Variants in RBM10 observed in about 807,000 individuals in gnomAD.
RBM10 encodes the protein RNA-binding protein 10.
Under a neutral mutation model 84.9 loss-of-function variants are expected in RBM10, and 1 was observed. The observed-to-expected ratio is 0.01, with a 90% CI of 0.00 to 0.06. RBM10 has a LOEUF of 0.06. Ranked by LOEUF, RBM10 falls within the 10% of genes least tolerant of loss-of-function variation. The pLI, the probability that RBM10 is intolerant of heterozygous loss-of-function variation, is 1.00. For missense variants in RBM10, 438 were observed against 839.0 expected, an observed-to-expected ratio of 0.52 and a Z score of 5.90; for synonymous variants, 326 against 344.5, an observed-to-expected ratio of 0.95 and a Z score of 0.60.
At chrX:47,152,240 G>T (rs1932815051) in intron 2 of RBM10, among the ~76,000 whole-genome samples, 1 of 110,744 alleles carries the variant, frequency 9.0e-6, no homozygotes, top group African/African-American at 3.3e-5. Flanking sequence ...TTTGTAAATT[G>T]CATTAAATGA....
At chrX:47,153,091 C>T (rs1932862560) in intron 2 of RBM10, among the ~76,000 whole-genome samples, 1 of 111,419 alleles carries the variant, frequency 9.0e-6, no homozygotes, top group South Asian at 3.7e-4. Context: ...GGTGATCCGC[C>T]CATCTCGGCC....
intron 2 of RBM10, among the ~76,000 whole-genome samples, chrX:47,163,063 A>G (rs938507357): frequency 1.8e-5 from 2 of 110,193 alleles, no homozygotes; most frequent in Non-Finnish European, 3.8e-5. Flanking sequence ...CTCCAAAAAA[A>G]AAAAAAAATC....
At chrX:47,175,800 C>A (rs921744468) in intron 6 of RBM10, among the ~76,000 whole-genome samples, 37 of 110,525 alleles carry the variant, frequency 3.3e-4, no homozygotes, top group African/African-American at 1.1e-3. Flanking sequence ...CACGGGATCC[C>A]AACTCAGCAG....
chrX:47,171,161 GGGAGGAGGAGGA>G lies in RBM10; in HGVS notation c.348_359del (p.Glu116_Glu119del). On this transcript the variant is annotated inframe_deletion, in exon 4 of 24. Coordinates refer to ENST00000377604, the MANE Select transcript of RBM10 (RefSeq NM_005676.5). ...GACCAGGACTATCGGACCGAGCAAG[GGGAGGAGGAGGA>G]GGAGGAGGAGGATGAGGAGGAGGAG... 8.3e-7 allele frequency: 1 copy of G among 1,207,119 alleles called. No homozygotes were observed.
At chrX:47,145,592 G>A (rs373816123) in intron 1 of RBM10, 107 bp downstream of exon 1, 28 of 805,284 alleles carry the variant, frequency 3.5e-5, no homozygotes, top group East Asian at 2.9e-4. Flanking sequence ...CGGAACGGAG[G>A]GGTTGGTGCA....
At chrX:47,176,810 T>G (rs1361621047) in intron 7 of RBM10, among the ~76,000 whole-genome samples, 1 of 110,356 alleles carries the variant, frequency 9.1e-6, no homozygotes, top group Non-Finnish European at 1.9e-5. Context: ...TACAAATGTG[T>G]AGTGAGCGTT....
rs782346506 is a variant in RBM10, at chrX:47,180,091, G to T, written c.1062+51G>T. 5 of 1,202,192 alleles carry T rather than the reference G, an allele frequency of 4.2e-6. No individual in the cohort carries two copies. The South Asian group carries it at 8.8e-5, about 21-fold the overall frequency. On this transcript the variant is annotated intron_variant, in intron 10 of 23. Transcript: ENST00000377604. The stretch of plus-strand genomic sequence containing the variant: ...GGCAGCCAGGGTCCCGGCCCCCGGG[G>T]TGGAGACGAGGGTCCTTTTCCCCAG...
chrX:47,150,888 T>C (rs1400636250), intron 2 of RBM10, among the ~76,000 whole-genome samples: 1 of 112,075 alleles, frequency 8.9e-6, no homozygotes, highest in Admixed American at 9.5e-5. Flanking sequence ...TGAACTTCTC[T>C]ATTAATTTGG....
At chrX:47,169,874 A>G (rs1556771465) in intron 3 of RBM10, among the ~76,000 whole-genome samples, 1 of 112,291 alleles carries the variant, frequency 8.9e-6, no homozygotes, top group African/African-American at 3.2e-5. Flanking sequence ...GAGGACAACA[A>G]GGGGACTGCA....
At chrX:47,160,647 G>A (rs1933605187) in intron 2 of RBM10, among the ~76,000 whole-genome samples, 1 of 111,402 alleles carries the variant, frequency 9.0e-6, no homozygotes, top group Admixed American at 9.6e-5. Context: ...TACTGTTGGT[G>A]GGAATGCAAA....
At position 47,181,329 on chromosome X, in the gene RBM10, T is replaced by A. The variant is rs1556779158; in HGVS notation, c.1363T>A (p.Tyr455Asn). 1.7e-6 allele frequency: 2 copies of A among 1,197,119 alleles called. No homozygotes were observed. Among genetic ancestry groups the A allele is most frequent in the Non-Finnish European group, 2.3e-6 (2 of 887,931 alleles). The change falls in exon 13 of 24, where the codon TAT (tyrosine) becomes AAT (asparagine). Residue 455 changes from tyrosine (Y) to asparagine (N), a missense_variant. Transcript: ENST00000377604. ...CAGCCAGGGCACAGAGTCTTCCCTC[T>A]ATGCCCATGGCTACCTCAAGGGCAC... is the stretch of plus-strand genomic sequence containing the variant. The part of the protein sequence containing the change: ...GNSQGTESSL[Y>N]AHGYLKGTKG...
intron 6 of RBM10, among the ~76,000 whole-genome samples, chrX:47,175,670 G>A (rs979845971): frequency 9.0e-6 from 1 of 110,940 alleles, no homozygotes; most frequent in Non-Finnish European, 1.9e-5. Flanking sequence ...TCACTTCGCC[G>A]CCCCTACCCT....
At chrX:47,171,698 T>C (rs1284342965) in intron 4 of RBM10, among the ~76,000 whole-genome samples, 1 of 112,435 alleles carries the variant, frequency 8.9e-6, no homozygotes, top group Admixed American at 9.4e-5. Flanking sequence ...CCCCCATCCT[T>C]TTTTGTCAGC....
rs782467531 is a variant in RBM10, at chrX:47,171,134, G to A, written c.308G>A (p.Arg103Gln). The change falls in exon 4 of 24, where the codon CGG becomes CAG. Residue 103 changes from arginine to glutamine, a missense_variant. Around this residue, in one of 8 missense-constraint regions of RBM10, gnomAD observed 92 missense variants for 134.3 expected, o/e 0.69. Coordinates refer to ENST00000377604, the MANE Select transcript of RBM10 (RefSeq NM_005676.5). Reference sequence around the variant, plus strand: ...GGCTTCCCCCGAGACGGCGACTATCGGGACCAGGACTATCGGACCGAGCAA... The same window carrying A: ...GGCTTCCCCCGAGACGGCGACTATCAGGACCAGGACTATCGGACCGAGCAA... ...PPGFPRDGDY[R>Q]DQDYRTEQGE... The A allele has an allele frequency of 7.4e-6, 9 of 1,208,610 alleles. No homozygotes were observed. The highest frequency in any genetic ancestry group is 5.3e-5 in the South Asian group (3 of 56,546).
At chrX:47,178,044 C>CA (rs782678343) in intron 7 of RBM10, among the ~76,000 whole-genome samples, 1 of 111,352 alleles carries the variant, frequency 9.0e-6, no homozygotes, top group Non-Finnish European at 1.9e-5. Flanking sequence ...TGCCAATCGT[C>CA]ACGCTCTCAC....
intron 5 of RBM10, among the ~76,000 whole-genome samples, chrX:47,173,637 C>G (rs1556774661): frequency 1.8e-5 from 2 of 112,473 alleles, no homozygotes; most frequent in Admixed American, 1.9e-4. Context: ...ATGTGTGTCC[C>G]AAGGGGGAAG....
chrX:47,166,580 C>G (rs996391270), intron 2 of RBM10, among the ~76,000 whole-genome samples: 1 of 108,332 alleles, frequency 9.2e-6, no homozygotes, highest in Non-Finnish European at 1.9e-5. Context: ...GCAGTCCTTT[C>G]GCCTCAGCCT....
chrX:47,169,359 G>A lies in RBM10; in HGVS notation c.62G>A (p.Arg21His), dbSNP rs1934465408. Residue 21 changes from arginine to histidine, a missense_variant, in exon 3 of 24, where the codon CGC becomes CAC. Arg to His is a conservative substitution (Grantham distance 29). Coordinates refer to ENST00000377604, the MANE Select transcript of RBM10 (RefSeq NM_005676.5). ...ACTGGCCGCTATGGAGCCACTGACC[G>A]CTCGCAGGATGATGGTGGGGAGAAC... The part of the protein sequence containing the change: ...DRTGRYGATD[R>H]SQDDGGENRS... The A allele has an allele frequency of 7.4e-6, 9 of 1,210,071 alleles. No homozygotes were observed. Among genetic ancestry groups the A allele is most frequent in the Non-Finnish European group, 6.7e-6 (6 of 894,974 alleles).
chrX:47,174,765 G>T (rs1478522648), intron 5 of RBM10, among the ~76,000 whole-genome samples: 1 of 111,052 alleles, frequency 9.0e-6, no homozygotes, highest in Non-Finnish European at 1.9e-5. Flanking sequence ...GTTGGTGTGT[G>T]TGTCTCTCCC....
Sources: gnomAD v4.1 joint callset for allele counts (sites outside exome capture counted in the v4.1 genomes callset) on GRCh38, gnomAD v4.1.1 for gene constraint, gnomAD v4.1.1 regional missense constraint, MANE v1.5 for transcripts, NCBI Gene and HGNC (gene_info 2026-07-23, HGNC 2026-07-21) for gene names.